RYR1: variants seen among roughly 807,000 people sequenced by gnomAD.
The protein encoded by RYR1 is central core disease of muscle.
A neutral mutation model predicts 583.5 loss-of-function variants in RYR1; 342 were observed. The ratio of observed to expected loss-of-function variants is 0.59; its 90% confidence interval spans 0.54 to 0.64. The LOEUF (loss-of-function observed/expected upper bound fraction) is 0.64. Ranked by LOEUF, RYR1 falls within the 30% of genes least tolerant of loss-of-function variation. RYR1 has a pLI of 0.00. For synonymous variants in RYR1, 2,791 were observed against 2,822.5 expected, an observed-to-expected ratio of 0.99 and a Z score of 0.35; for missense variants, 6,032 against 6,917.2, an observed-to-expected ratio of 0.87 and a Z score of 4.54.
At position 38,489,236 on chromosome 19, in the gene RYR1, G is replaced by T. The variant is rs1043076830; in HGVS notation, c.5607G>T (p.Glu1869Asp). ...VKQILKMIEP[E>D]VFTEEEEEED... Reference sequence around the variant, plus strand: ...AGATCTTGAAGATGATTGAGCCTGAGGTCTTCACTGAGGAAGAAGAGGAGG... The same window carrying T: ...AGATCTTGAAGATGATTGAGCCTGATGTCTTCACTGAGGAAGAAGAGGAGG... Residue 1869 changes from glutamate to aspartate, a missense_variant, in exon 35 of 106, where the codon GAG (glutamate) becomes GAT (aspartate). Transcript: ENST00000359596. The T allele has an allele frequency of 2.5e-6, 4 of 1,613,714 alleles. No individual in the cohort carries two copies. The highest frequency in any genetic ancestry group is 3.4e-6 in the Non-Finnish European group (4 of 1,179,864).
chr19:38,441,738 G>C (rs1031220575), intron 2 of RYR1, among the ~76,000 whole-genome samples: 2 of 150,860 alleles, frequency 1.3e-5, no homozygotes, highest in Non-Finnish European at 2.9e-5. Flanking sequence ...GGAATCTGAT[G>C]GGGGGGAAGT....
Position 38,499,681 on chromosome 19 carries a change from C to T in RYR1, c.7074C>T (p.Ile2358=). 6.2e-7 allele frequency: 1 copy of T among 1,600,132 alleles called. No individual in the cohort carries two copies. Residue 2358 remains isoleucine (I), a synonymous_variant, in exon 44 of 106, where the codon ATC becomes ATT. Transcript: ENST00000359596. The surrounding 1 kb of genome is among the most constrained non-coding windows in gnomAD (Gnocchi z 7.3). The part of the protein sequence containing the change: ...ENANVVVRLL[I]RKPECFGPAL... ...CCAATGTGGTGGTGCGGCTGCTCAT[C>T]CGGAAGCCTGAGTGCTTCGGACCCG...
chr19:38,544,404 A>G (rs1042959233), intron 87 of RYR1, among the ~76,000 whole-genome samples: 3 of 152,128 alleles, frequency 2.0e-5, no homozygotes, highest in Non-Finnish European at 4.4e-5. Context: ...TCTCACGAAC[A>G]CTTAATCCAT....
At chr19:38,504,467 G>T (rs866230284) in intron 50 of RYR1, 107 bp downstream of exon 50, 2 of 1,416,492 alleles carry the variant, frequency 1.4e-6, no homozygotes, top group Non-Finnish European at 1.9e-6. Context: ...AGGAGGAGAA[G>T]GTTCTGCAAG....
At chr19:38,450,733 C>G (rs1281772355) in intron 11 of RYR1, among the ~76,000 whole-genome samples, 1 of 148,984 alleles carries the variant, frequency 6.7e-6, no homozygotes, top group Admixed American at 6.8e-5. Flanking sequence ...TCTGCCTGAG[C>G]TGGCCATGTT....
chr19:38,581,119 C>A (rs935580985), intron 101 of RYR1, among the ~76,000 whole-genome samples: 9 of 151,862 alleles, frequency 5.9e-5, no homozygotes, highest in Non-Finnish European at 1.0e-4. Context: ...AGAGTCTGGC[C>A]CAGGCTGGAG....
chr19:38,441,399 C>T (rs1196602152), intron 2 of RYR1, among the ~76,000 whole-genome samples: 6 of 50,668 alleles, frequency 1.2e-4, no homozygotes, highest in African/African-American at 4.8e-4. Flanking sequence ...AGGAGGCCCT[C>T]GGCGGGGGCG....
intron 63 of RYR1, among the ~76,000 whole-genome samples, chr19:38,513,422 G>A (rs957840744): frequency 4.6e-5 from 7 of 152,104 alleles, no homozygotes; most frequent in Non-Finnish European, 8.8e-5. Flanking sequence ...AAGGTAGGAA[G>A]ATCTCTTGAG....
At position 38,506,861 on chromosome 19, in the gene RYR1, G is replaced by T; in HGVS notation, c.8725G>T (p.Asp2909Tyr). The T allele has an allele frequency of 6.2e-7, 1 of 1,613,996 alleles. No individual in the cohort carries two copies. Among genetic ancestry groups the T allele is most frequent in the Non-Finnish European group, 8.5e-7 (1 of 1,180,026 alleles). Residue 2909 changes from aspartate to tyrosine, a missense_variant, in exon 57 of 106, where the codon GAC (aspartate) becomes TAC (tyrosine). By Grantham distance (160) the Asp-to-Tyr change is radical. Coordinates refer to ENST00000359596, the MANE Select transcript of RYR1 (RefSeq NM_000540.3). ...GGTHPLLVPY[D>Y]TLTAKEKARD... ...GACCCACCCCCTGCTGGTCCCCTAC[G>T]ACACGCTCACGGCCAAGGAGAAGGC...
Position 38,511,704 on chromosome 19 carries a change from C to T in RYR1, c.9172+94C>T, listed in dbSNP as rs1178034776. The T allele has an allele frequency of 2.1e-6, 3 of 1,442,758 alleles. No individual in the cohort carries two copies. In the East Asian group the frequency reaches 6.8e-5, roughly 33 times the overall value. 89.4% of individuals were successfully genotyped at this position (1,442,758 alleles called of 1,614,324 possible). On this transcript the variant is annotated intron_variant, in intron 61 of 105. Coordinates refer to ENST00000359596, the MANE Select transcript of RYR1 (RefSeq NM_000540.3). ...CAGGTTCTGCCTTAATTTGAACAAC[C>T]TTTGTTGTTTTCTTCCCCTGGACCT...
chr19:38,499,622 T>G lies in RYR1; in HGVS notation c.7028-13T>G. 6.3e-7 allele frequency: 1 copy of G among 1,597,094 alleles called. No individual in the cohort carries two copies. Among genetic ancestry groups the G allele is most frequent in the Non-Finnish European group, 8.5e-7 (1 of 1,179,792 alleles). On this transcript the variant is annotated splice_polypyrimidine_tract_variant and intron_variant, in intron 43 of 105. Transcript: ENST00000359596. This position sits in a 1 kb window ranked among gnomAD's most constrained non-coding sequence, Gnocchi z 7.3. ...TGGCTCATGAGACCCCCTTTCCCCA[T>G]GCGGGTGGCCAGGCGAGAGCGTGGA...
chr19:38,528,447 G>C (rs774338807), intron 74 of RYR1, 29 bp downstream of exon 74: 1 of 1,610,066 alleles, frequency 6.2e-7, no homozygotes, highest in East Asian at 2.2e-5. Flanking sequence ...AGGGAAGCGT[G>C]AAGGGCTGCG....
intron 18 of RYR1, 47 bp downstream of exon 18, chr19:38,458,339 A>G: frequency 1.3e-6 from 2 of 1,579,764 alleles, no homozygotes; most frequent in East Asian, 4.5e-5. Flanking sequence ...CATTGACCCC[A>G]GCATTTCTAA....
At position 38,496,189 on chromosome 19, in the gene RYR1, A is replaced by T. The variant is rs759432551; in HGVS notation, c.6549-26A>T. On this transcript the variant is annotated intron_variant, in intron 39 of 105. Coordinates refer to ENST00000359596, the MANE Select transcript of RYR1 (RefSeq NM_000540.3). This position sits in a 1 kb window ranked among gnomAD's most constrained non-coding sequence, Gnocchi z 4.8. ...CCTCTCCGGACCTGGGCCCCTGGTGACCCCGCACACTCTGCCCGTGCACAG... is the reference window on the plus strand; with the variant it reads ...CCTCTCCGGACCTGGGCCCCTGGTGTCCCCGCACACTCTGCCCGTGCACAG... 1 of 1,599,056 alleles carries T rather than the reference A, an allele frequency of 6.3e-7. No individual in the cohort carries two copies. Among genetic ancestry groups the T allele is most frequent in the Non-Finnish European group, 8.6e-7 (1 of 1,168,234 alleles).
Position 38,565,115 on chromosome 19 carries a change from G to C in RYR1, c.12781G>C (p.Glu4261Gln). 1 of 1,540,346 alleles carries C rather than the reference G, an allele frequency of 6.5e-7. No individual in the cohort carries two copies. Among genetic ancestry groups the C allele is most frequent in the Non-Finnish European group, 8.7e-7 (1 of 1,146,814 alleles). ...GCCCGAGGGCGAGCCGGAGACCGAC[G>C]AGGACGAGGGCGCGGGCGCGGCGGA... is the stretch of plus-strand genomic sequence containing the variant. ...SEPEGEPETD[E>Q]DEGAGAAEAG... The change falls in exon 91 of 106, where the codon GAG becomes CAG. Residue 4261 changes from glutamate (E) to glutamine (Q), a missense_variant. This residue lies in a region of RYR1 where 753 missense variants were observed against 759.6 expected (regional missense o/e 0.99). Coordinates refer to ENST00000359596, the MANE Select transcript of RYR1 (RefSeq NM_000540.3). This position sits in a 1 kb window ranked among gnomAD's most constrained non-coding sequence, Gnocchi z 4.7.
At position 38,525,508 on chromosome 19, in the gene RYR1, T is replaced by C; in HGVS notation, c.10626+6T>C. On this transcript the variant is annotated splice_donor_region_variant and intron_variant, in intron 71 of 105. Coordinates refer to ENST00000359596, the MANE Select transcript of RYR1 (RefSeq NM_000540.3). ...CCAAGACCCGTTACGCCCTGGTGCC[T>C]GCCCAGCCCCGTCCTCGGAACCTTC... 1 of 1,613,354 alleles carries C rather than the reference T, an allele frequency of 6.2e-7. No individual in the cohort carries two copies.
At position 38,528,201 on chromosome 19, in the gene RYR1, C is replaced by T. The variant is rs73933015; in HGVS notation, c.10825-105C>T. 2.3e-3 allele frequency: 2,233 copies of T among 952,088 alleles called. 31 individuals carry two copies. In the African/African-American group the frequency reaches 0.032, roughly 14 times the overall value. The allele number at this position is 952,088 out of a possible 1,614,324, so 59.0% of individuals were successfully genotyped here. A position where few individuals can be genotyped will look rare whatever the true frequency, so the allele number is the denominator to read the frequency against. On this transcript the variant is annotated intron_variant, in intron 73 of 105. Transcript: ENST00000359596. ...AAGGTTTTCCTTCTGCCGTGTGAGT[C>T]TTAACCTGAATATGGACTTCGACAC...
intron 91 of RYR1, 72 bp from the exon 92 acceptor site, chr19:38,566,839 G>T (rs1440974022): frequency 3.2e-6 from 5 of 1,555,610 alleles, no homozygotes; most frequent in Non-Finnish European, 4.4e-6. Flanking sequence ...GAAAGGAGAT[G>T]AGAGGAGCAG....
intron 102 of RYR1, 114 bp downstream of exon 102, chr19:38,585,213 C>T (rs1974419489): frequency 7.7e-7 from 1 of 1,299,694 alleles, no homozygotes; most frequent in East Asian, 2.5e-5. Context: ...CCTCTCGCTA[C>T]TGTGAGACCT....
Sources: gnomAD v4.1 joint callset for allele counts (sites outside exome capture counted in the v4.1 genomes callset) on GRCh38, gnomAD v4.1.1 for gene constraint, gnomAD v4.1.1 regional missense constraint, Gnocchi (gnomAD v3.1) non-coding constraint, MANE v1.5 for transcripts, NCBI Gene and HGNC (gene_info 2026-07-23, HGNC 2026-07-21) for gene names.